The following ICA1L variants were observed in gnomAD, a reference collection of about 807,000 sequenced individuals.
ICA1L encodes the protein islet cell autoantigen 1 like.
ICA1L carries 50 observed loss-of-function variants against 61.3 expected under a neutral mutation model. The observed-to-expected ratio is 0.82, with a 90% CI of 0.65 to 1.03. ICA1L has a LOEUF of 1.03. Ranked by LOEUF, ICA1L falls within the 50% of genes least tolerant of loss-of-function variation. ICA1L has a pLI of 0.00. For missense variants in ICA1L, 508 were observed against 556.7 expected, an observed-to-expected ratio of 0.91 and a Z score of 0.88; for synonymous variants, 161 against 191.3, an observed-to-expected ratio of 0.84 and a Z score of 1.31.
intron 6 of ICA1L, among the ~76,000 whole-genome samples, 188 bp from the exon 7 acceptor site, chr2:202,816,197 C>T (rs956934145): frequency 1.3e-5 from 2 of 152,190 alleles, no homozygotes; most frequent in Non-Finnish European, 2.9e-5. Flanking sequence ...GAATCGGCAT[C>T]TGTGTCTGCA....
chr2:202,796,868 T>C, intron 10 of ICA1L, 22 bp downstream of exon 10: 1 of 1,375,718 alleles, frequency 7.3e-7, no homozygotes, highest in Non-Finnish European at 1.0e-6. Context: ...ATCATTCATA[T>C]GTAGAGTGAA....
chr2:202,782,237 C>T (rs941674945), intron 12 of ICA1L, among the ~76,000 whole-genome samples: 4 of 151,728 alleles, frequency 2.6e-5, no homozygotes, highest in African/African-American at 4.8e-5. Context: ...CGCAGCTACT[C>T]GGGAGGCTGA....
At position 202,788,771 on chromosome 2, in the gene ICA1L, A is replaced by G. The variant is rs533515475; in HGVS notation, c.1243+59T>C. The G allele has an allele frequency of 5.1e-6, 8 of 1,570,140 alleles. No individual in the cohort carries two copies. In the East Asian group the frequency reaches 1.6e-4, roughly 31 times the overall value. ...TGGTTCTAGCATCAATAAGCACACC[A>G]TTTTGCTTCACAAAGATAAAGTAAA... On this transcript the variant is annotated intron_variant, in intron 11 of 12. Coordinates refer to ENST00000358299, the MANE Select transcript of ICA1L (RefSeq NM_001288622.3).
chr2:202,838,585 T>G (rs1258092038), intron 1 of ICA1L, among the ~76,000 whole-genome samples: 1 of 152,240 alleles, frequency 6.6e-6, no homozygotes, highest in Non-Finnish European at 1.5e-5. Context: ...TTGCTTTATA[T>G]ATTTAGGAAC....
In ICA1L at chr2:202,862,272, C is replaced by CCAAAAAAAAAAAAAAAAAAAAAAAAA. The variant is rs1462555700; in HGVS notation, c.-8+9346_-8+9347insTTTTTTTTTTTTTTTTTTTTTTTTTG. 3.2e-5 allele frequency among the ~76,000 whole-genome samples: 2 copies of CCAAAAAAAAAAAAAAAAAAAAAAAAA among 62,978 alleles called. 1 individual carries two copies. The highest frequency in any genetic ancestry group is 5.2e-5 in the Non-Finnish European group (2 of 38,590). The allele number at this position is 62,978 out of a possible 152,430, so 41.3% of individuals were successfully genotyped here. On this transcript the variant is annotated intron_variant, in intron 1 of 12. Coordinates refer to ENST00000358299, the MANE Select transcript of ICA1L (RefSeq NM_001288622.3). ...GCAACACAGTAAGACCTCATTTCTA[C>CCAAAAAAAAAAAAAAAAAAAAAAAAA]AAAAAAAAAAAAAAAAAAAAAAAAA...
At chr2:202,788,780 C>T (rs1355470428) in intron 11 of ICA1L, 50 bp downstream of exon 11, 11 of 1,597,600 alleles carry the variant, frequency 6.9e-6, no homozygotes, top group African/African-American at 6.7e-5. Flanking sequence ...CATTTTGCTT[C>T]ACAAAGATAA....
intron 8 of ICA1L, among the ~76,000 whole-genome samples, chr2:202,812,205 C>T (rs565360064): frequency 3.3e-4 from 50 of 152,346 alleles, no homozygotes; most frequent in Non-Finnish European, 6.0e-4. Context: ...TTGCAAGACA[C>T]GTTAGCCTAA....
At chr2:202,846,875 T>C (rs890733352) in intron 1 of ICA1L, among the ~76,000 whole-genome samples, 1 of 152,250 alleles carries the variant, frequency 6.6e-6, no homozygotes, top group African/African-American at 2.4e-5. Context: ...TACAAGACTA[T>C]ATATTAAATC....
chr2:202,850,660 T>C (rs1427438297), intron 1 of ICA1L, among the ~76,000 whole-genome samples: 3 of 152,170 alleles, frequency 2.0e-5, no homozygotes, highest in Non-Finnish European at 4.4e-5. Flanking sequence ...AACCTATGAT[T>C]GACTGGTTTA....
intron 1 of ICA1L, among the ~76,000 whole-genome samples, chr2:202,839,598 G>T (rs1694263525): frequency 1.1e-5 from 1 of 94,106 alleles, no homozygotes; most frequent in Non-Finnish European, 2.6e-5. Flanking sequence ...GTGTGTGTGT[G>T]TGTGTGTGTG....
At chr2:202,785,527 A>G (rs1692553308) in intron 12 of ICA1L, among the ~76,000 whole-genome samples, 1 of 152,086 alleles carries the variant, frequency 6.6e-6, no homozygotes, top group African/African-American at 2.4e-5. Context: ...GGTTAGAGCA[A>G]TTCTGCCTCA....
chr2:202,829,922 G>A (rs1693967752), intron 1 of ICA1L, among the ~76,000 whole-genome samples: 1 of 151,928 alleles, frequency 6.6e-6, no homozygotes, highest in East Asian at 1.9e-4. Flanking sequence ...AGTTATAATC[G>A]CTATGTCAAA....
intron 10 of ICA1L, among the ~76,000 whole-genome samples, chr2:202,789,936 C>T (rs1692697102): frequency 6.6e-6 from 1 of 152,184 alleles, no homozygotes; most frequent in Non-Finnish European, 1.5e-5. Flanking sequence ...GACATCATAG[C>T]CAAGTCCCCA....
At chr2:202,817,617 G>T in intron 5 of ICA1L, 74 bp from the exon 6 acceptor site, 1 of 686,216 alleles carries the variant, frequency 1.5e-6, no homozygotes. Flanking sequence ...CATAAATATA[G>T]TATACAGGTT....
At position 202,788,879 on chromosome 2, in the gene ICA1L, A is replaced by T; in HGVS notation, c.1194T>A (p.Leu398=). The change falls in exon 11 of 13, where the codon CTT becomes CTA. Residue 398 remains leucine (L), a synonymous_variant. Transcript: ENST00000358299. ...AGCCAAGGTCAAAGAGTTGTGAAGG[A>T]AGGAATCGAGAAGAATGAGCGAGGG... ...SEPLAHSSRF[L]PSQLFDLGFH... 6.2e-7 allele frequency: 1 copy of T among 1,614,164 alleles called. No individual in the cohort carries two copies. The highest frequency in any genetic ancestry group is 8.5e-7 in the Non-Finnish European group (1 of 1,179,998).
intron 7 of ICA1L, 39 bp downstream of exon 7, chr2:202,815,872 G>A: frequency 8.4e-7 from 1 of 1,195,266 alleles, no homozygotes; most frequent in Non-Finnish European, 1.2e-6. Context: ...CAAATGAAGA[G>A]TAATACATCT....
intron 12 of ICA1L, 125 bp from the exon 13 acceptor site, chr2:202,779,773 A>G: frequency 4.9e-6 from 3 of 610,618 alleles, no homozygotes; most frequent in Non-Finnish European, 8.5e-6. Context: ...AACTGACAAT[A>G]ATCTATCAAC....
intron 12 of ICA1L, among the ~76,000 whole-genome samples, chr2:202,782,143 T>C (rs1208947716): frequency 6.6e-6 from 1 of 152,010 alleles, no homozygotes; most frequent in East Asian, 2.0e-4. Context: ...GTCAGGAATT[T>C]GAGACCAGCC....
intron 8 of ICA1L, 140 bp downstream of exon 8, chr2:202,814,562 G>T: frequency 1.6e-6 from 1 of 636,448 alleles, no homozygotes; most frequent in Non-Finnish European, 2.8e-6. Flanking sequence ...AACAGACTAT[G>T]ATACAAATGT....
Sources: allele counts gnomAD v4.1 joint callset (sites outside exome capture counted in the v4.1 genomes callset), GRCh38; gene constraint gnomAD v4.1.1; transcripts MANE v1.5; gene names NCBI Gene and HGNC (gene_info 2026-07-23, HGNC 2026-07-21).